NR3C2: variants seen among roughly 807,000 people sequenced by gnomAD.
The protein encoded by NR3C2 is mineralocorticoid receptor.
Under a neutral mutation model 86.4 loss-of-function variants are expected in NR3C2, and 15 were observed. The ratio of observed to expected loss-of-function variants is 0.17; its 90% CI spans 0.12 to 0.27. NR3C2 has a LOEUF of 0.27. NR3C2 is among the 10% of genes least tolerant of loss of function. NR3C2 has a pLI of 1.00. For synonymous variants in NR3C2, 458 were observed against 450.5 expected, an observed-to-expected ratio of 1.02 and a Z score of -0.21; for missense variants, 960 against 1,195.6, an observed-to-expected ratio of 0.80 and a Z score of 2.91.
chr4:148,351,788 C>T (rs1745291556), intron 2 of NR3C2, among the ~76,000 whole-genome samples: 1 of 152,152 alleles, frequency 6.6e-6, no homozygotes, highest in Non-Finnish European at 1.5e-5. Context: ...TAGGTTTCAT[C>T]AGTCATAAAA....
rs770884464 is a variant in NR3C2, at chr4:148,361,399, A to G, written c.1757+73705T>C. Among the ~76,000 whole-genome samples the G allele has an allele frequency of 4.6e-4, 70 of 152,336 alleles. 1 individual carries two copies. Among genetic ancestry groups the G allele is most frequent in the Non-Finnish European group, 3.7e-4 (25 of 68,030 alleles). ...ACATTCTGTCAATGTCTCAGTAATT[A>G]TTGCCAACATCATCATTAGACAGGA... On this transcript the variant is annotated intron_variant, in intron 2 of 8. Coordinates refer to ENST00000358102, the MANE Select transcript of NR3C2 (RefSeq NM_000901.5).
intron 2 of NR3C2, among the ~76,000 whole-genome samples, chr4:148,389,938 T>A (rs1747456132): frequency 6.6e-6 from 1 of 152,070 alleles, no homozygotes; most frequent in African/African-American, 2.4e-5. Context: ...GCCTCAACTT[T>A]TAAAATCATT....
chr4:148,385,384 T>A (rs1357239137), intron 2 of NR3C2, among the ~76,000 whole-genome samples: 1 of 152,230 alleles, frequency 6.6e-6, no homozygotes, highest in East Asian at 1.9e-4. Flanking sequence ...GAGGTAGAGT[T>A]AGAATGTTTT....
intron 2 of NR3C2, among the ~76,000 whole-genome samples, chr4:148,294,165 C>A (rs945521792): frequency 6.6e-6 from 1 of 152,156 alleles, no homozygotes; most frequent in Non-Finnish European, 1.5e-5. Context: ...CTTAGCAATA[C>A]GTGATCTTGA....
chr4:148,334,941 T>G (rs1744406381), intron 2 of NR3C2, among the ~76,000 whole-genome samples: 2 of 152,182 alleles, frequency 1.3e-5, no homozygotes, highest in Non-Finnish European at 2.9e-5. Flanking sequence ...GCTGCATCAC[T>G]CTAATCTCTG....
chr4:148,378,356 T>G (rs1746783403), intron 2 of NR3C2, among the ~76,000 whole-genome samples: 2 of 151,072 alleles, frequency 1.3e-5, no homozygotes, highest in South Asian at 4.2e-4. Flanking sequence ...ACAATGAAGA[T>G]ATACACCCCA....
chr4:148,257,589 C>T (rs1360137146), intron 3 of NR3C2, among the ~76,000 whole-genome samples: 2 of 151,770 alleles, frequency 1.3e-5, no homozygotes, highest in African/African-American at 2.4e-5. Context: ...TAAAATGACA[C>T]CTATATACCA....
chr4:148,349,208 C>CT (rs1745149084), intron 2 of NR3C2, among the ~76,000 whole-genome samples: 1 of 152,172 alleles, frequency 6.6e-6, no homozygotes, highest in African/African-American at 2.4e-5. Context: ...TTCACATACT[C>CT]TGTCACCTCT....
rs1318946760 is a variant in NR3C2 at position 148,154,785 on chromosome 4, T to C, written c.2131A>G (p.Ile711Val). 3 of 1,354,228 alleles carry C rather than the reference T, an allele frequency of 2.2e-6. No individual in the cohort carries two copies. The highest frequency in any genetic ancestry group is 3.2e-5 in the African/African-American group (2 of 61,910). 83.9% of individuals were successfully genotyped at this position (1,354,228 alleles called of 1,614,324 possible). A position where few individuals can be genotyped will look rare whatever the true frequency, so the allele number is the denominator to read the frequency against. The change falls in exon 5 of 9, where the codon ATC (isoleucine) becomes GTC (valine). Residue 711 changes from isoleucine (I) to valine (V), a missense_variant. Physicochemically the swap from Ile to Val is conservative, Grantham distance 29 (BLOSUM62 3). This residue lies in a region of NR3C2 where 82 missense variants were observed against 73.0 expected (regional missense o/e 1.12). Coordinates refer to ENST00000358102, the MANE Select transcript of NR3C2 (RefSeq NM_000901.5). ...ACCGAGGGTTCTTTTGCAGGAGCGA[T>C]GTACGTTGTCCCTTCCTCTGGGCTT... ...PQSPEEGTTYIAPAKEPSVNT... is the reference protein window; with the variant it reads ...PQSPEEGTTYVAPAKEPSVNT...
intron 3 of NR3C2, among the ~76,000 whole-genome samples, chr4:148,258,921 T>C (rs1739956749): frequency 6.6e-6 from 1 of 152,226 alleles, no homozygotes; most frequent in Admixed American, 6.5e-5. Context: ...CTTTTACCAA[T>C]TCAATGCTAG....
chr4:148,130,610 A>T (rs917294775), intron 6 of NR3C2, among the ~76,000 whole-genome samples: 1 of 152,158 alleles, frequency 6.6e-6, no homozygotes, highest in Non-Finnish European at 1.5e-5. Context: ...ATAGGTCAAC[A>T]ATTATGTGAG....
Position 148,228,883 on chromosome 4 carries a change from G to A in NR3C2, c.1897+31095C>T, listed in dbSNP as rs548629910. ...AATATCCTTCCACCACAGCCAGACTGCCGGCAGGAAAGAAAGGCAAACTAT... is the reference window on the plus strand; with the variant it reads ...AATATCCTTCCACCACAGCCAGACTACCGGCAGGAAAGAAAGGCAAACTAT... On this transcript the variant is annotated intron_variant, in intron 3 of 8. Transcript: ENST00000358102. 6.2e-4 allele frequency among the ~76,000 whole-genome samples: 94 copies of A among 152,246 alleles called. 5 individuals are homozygous for A. In the South Asian group the frequency reaches 0.019, roughly 31 times the overall value.
intron 4 of NR3C2, among the ~76,000 whole-genome samples, chr4:148,156,401 C>T (rs1390840768): frequency 6.6e-6 from 1 of 151,646 alleles, no homozygotes; most frequent in Non-Finnish European, 1.5e-5. Flanking sequence ...ACAATGAACT[C>T]AAACAAATTT....
chr4:148,154,240 C>T (rs1734239408), intron 5 of NR3C2, among the ~76,000 whole-genome samples: 1 of 152,188 alleles, frequency 6.6e-6, no homozygotes, highest in African/African-American at 2.4e-5. Flanking sequence ...AACTCCTGAC[C>T]TCGTGATCCA....
At chr4:148,209,813 T>C (rs1737194059) in intron 3 of NR3C2, among the ~76,000 whole-genome samples, 1 of 152,168 alleles carries the variant, frequency 6.6e-6, no homozygotes, top group African/African-American at 2.4e-5. Context: ...CCAGATCCCA[T>C]CCAGCCTTAA....
intron 3 of NR3C2, among the ~76,000 whole-genome samples, chr4:148,230,119 A>G (rs761319875): frequency 2.6e-5 from 4 of 152,192 alleles, no homozygotes; most frequent in Non-Finnish European, 5.9e-5. Flanking sequence ...AAGCTCTAGT[A>G]CTAGAAATTA....
Position 148,292,332 on chromosome 4 carries a change from G to A in NR3C2, c.1758-32215C>T, listed in dbSNP as rs549414785. Among the ~76,000 whole-genome samples, 6 of 151,808 alleles carry A rather than the reference G, an allele frequency of 4.0e-5. 1 individual carries two copies. The South Asian group carries it at 8.3e-4, about 21-fold the overall frequency. On this transcript the variant is annotated intron_variant, in intron 2 of 8. Transcript: ENST00000358102. ...TTCTGGTTCTAGATTTACCTCTTAC[G>A]CTTTCTTAATTGAAATGCTACCTGG...
intron 2 of NR3C2, among the ~76,000 whole-genome samples, chr4:148,372,401 A>C (rs1388810909): frequency 6.6e-6 from 1 of 152,056 alleles, no homozygotes; most frequent in Admixed American, 6.6e-5. Flanking sequence ...CCTGATATTG[A>C]CCACTGTTTC....
At chr4:148,418,555 C>G (rs931031411) in intron 2 of NR3C2, among the ~76,000 whole-genome samples, 1 of 152,132 alleles carries the variant, frequency 6.6e-6, no homozygotes, top group African/African-American at 2.4e-5. Flanking sequence ...TTTATTAATA[C>G]TACATTGTTA....
Sources: gnomAD v4.1 joint callset for allele counts (sites outside exome capture counted in the v4.1 genomes callset) on GRCh38, gnomAD v4.1.1 for gene constraint, gnomAD v4.1.1 regional missense constraint, MANE v1.5 for transcripts, NCBI Gene and HGNC (gene_info 2026-07-23, HGNC 2026-07-21) for gene names.